GALNT13: variants seen among roughly 807,000 people sequenced by gnomAD.
GALNT13 encodes UDP-GalNAc:polypeptide N-acetylgalactosaminyltransferase 13.
In GALNT13, 28 loss-of-function variants were observed where a neutral mutation model predicts 64.2. The ratio of observed to expected loss-of-function variants is 0.44; its 90% CI spans 0.32 to 0.60. GALNT13 has a LOEUF of 0.60. GALNT13 is among the 20% of genes least tolerant of loss of function. GALNT13 has a pLI of 0.05. For synonymous variants in GALNT13, 214 were observed against 224.6 expected, an observed-to-expected ratio of 0.95 and a Z score of 0.42; for missense variants, 577 against 669.8, an observed-to-expected ratio of 0.86 and a Z score of 1.53.
the GALNT13 span, among the ~76,000 whole-genome samples, chr2:153,234,692 G>GTATT: frequency 6.6e-6 from 1 of 152,132 alleles, no homozygotes; most frequent in South Asian, 2.1e-4. Flanking sequence ...TGAGCCTCAT[G>GTATT]TATTACATGT....
chr2:153,651,284 A>T, the GALNT13 span, among the ~76,000 whole-genome samples: 8 of 152,208 alleles, frequency 5.3e-5, no homozygotes, highest in African/African-American at 1.9e-4. Context: ...CATAGAATAA[A>T]GTCTGATTCC....
chr2:153,276,051 T>C, the GALNT13 span, among the ~76,000 whole-genome samples: 2 of 152,194 alleles, frequency 1.3e-5, no homozygotes, highest in East Asian at 3.8e-4. Context: ...AAGTTAAGCA[T>C]TTTTCATATT....
At chr2:153,557,362 T>C in the GALNT13 span, among the ~76,000 whole-genome samples, 1 of 152,146 alleles carries the variant, frequency 6.6e-6, no homozygotes, top group Non-Finnish European at 1.5e-5. Context: ...CACCTAACAG[T>C]GCATCTGTTT....
the GALNT13 span, among the ~76,000 whole-genome samples, chr2:153,188,393 T>G: frequency 7.6e-6 from 1 of 131,706 alleles, no homozygotes; most frequent in Non-Finnish European, 1.7e-5. Context: ...AACTAAATAA[T>G]AATGGCATGA....
At chr2:153,198,590 G>A in the GALNT13 span, among the ~76,000 whole-genome samples, 1 of 152,190 alleles carries the variant, frequency 6.6e-6, no homozygotes, top group Non-Finnish European at 1.5e-5. Flanking sequence ...TGTGCCTCTA[G>A]TCAGCCATCT....
At chr2:153,582,852 T>C in the GALNT13 span, among the ~76,000 whole-genome samples, 1 of 152,220 alleles carries the variant, frequency 6.6e-6, no homozygotes, top group East Asian at 1.9e-4. Context: ...TATTGTAACA[T>C]TACTGGCTGT....
chr2:153,786,130 C>G, the GALNT13 span, among the ~76,000 whole-genome samples: 3 of 152,102 alleles, frequency 2.0e-5, no homozygotes, highest in Non-Finnish European at 4.4e-5. Flanking sequence ...TGATATGGGA[C>G]TCCATCACAA....
chr2:153,478,530 C>A, the GALNT13 span: 1 of 1,605,632 alleles, frequency 6.2e-7, no homozygotes. Flanking sequence ...GGAACAGGCC[C>A]GCCACGTCCG....
At chr2:153,856,126 A>C in the GALNT13 span, among the ~76,000 whole-genome samples, 1 of 152,166 alleles carries the variant, frequency 6.6e-6, no homozygotes, top group Non-Finnish European at 1.5e-5. Flanking sequence ...GGGGTGATGA[A>C]AATGTTCTAG....
the GALNT13 span, among the ~76,000 whole-genome samples, chr2:153,302,855 A>C: frequency 6.6e-6 from 1 of 152,130 alleles, no homozygotes; most frequent in Non-Finnish European, 1.5e-5. Flanking sequence ...CTAACTGTAA[A>C]TGCATGAGTT....
chr2:153,552,864 T>C, the GALNT13 span, among the ~76,000 whole-genome samples: 2 of 152,104 alleles, frequency 1.3e-5, no homozygotes, highest in Admixed American at 1.3e-4. Flanking sequence ...ATCCTTTGCA[T>C]ACACAGTTCA....
the GALNT13 span, among the ~76,000 whole-genome samples, chr2:153,713,776 G>A: frequency 2.0e-5 from 3 of 152,130 alleles, no homozygotes; most frequent in African/African-American, 4.8e-5. Flanking sequence ...GAGCCACTAC[G>A]CCTAGCCAGG....
At chr2:154,437,870 A>G (rs1011370839) in intron 11 of GALNT13, 2 of 216,720 alleles carry the variant, frequency 9.2e-6, no homozygotes, top group African/African-American at 4.8e-5. Flanking sequence ...AAAAAAAAAA[A>G]ACCCTCATGA....
At chr2:153,783,935 G>C in the GALNT13 span, among the ~76,000 whole-genome samples, 1 of 152,120 alleles carries the variant, frequency 6.6e-6, no homozygotes, top group East Asian at 1.9e-4. Context: ...GTCTTTGTTA[G>C]CAGCATGAGA....
At chr2:153,350,384 C>CTTTCTT in the GALNT13 span, among the ~76,000 whole-genome samples, 2 of 129,972 alleles carry the variant, frequency 1.5e-5, no homozygotes, top group Non-Finnish European at 3.2e-5. Context: ...TTCTTTCTTT[C>CTTTCTT]TTTTTTTTTT....
chr2:153,501,380 G>A, the GALNT13 span, among the ~76,000 whole-genome samples: 25 of 152,018 alleles, frequency 1.6e-4, no homozygotes, highest in Admixed American at 1.6e-3. Flanking sequence ...CGCCCAGGCT[G>A]GAGTGCAGTG....
chr2:153,332,367 C>T, the GALNT13 span, among the ~76,000 whole-genome samples: 5 of 152,056 alleles, frequency 3.3e-5, no homozygotes, highest in African/African-American at 1.2e-4. Flanking sequence ...TTGTGATATG[C>T]TGTATAATTG....
chr2:154,190,524 C>G (rs555225535), intron 4 of GALNT13, among the ~76,000 whole-genome samples: 1 of 152,178 alleles, frequency 6.6e-6, no homozygotes, highest in Non-Finnish European at 1.5e-5. Context: ...TCGGTTTAAA[C>G]AAGTTTCTTT....
chr2:154,271,647 T>C (rs1196646854), intron 8 of GALNT13, among the ~76,000 whole-genome samples: 1 of 151,918 alleles, frequency 6.6e-6, no homozygotes, highest in Non-Finnish European at 1.5e-5. Flanking sequence ...CTCTGGAGAA[T>C]TGTAAGCATA....
Sources: allele counts gnomAD v4.1 joint callset (sites outside exome capture counted in the v4.1 genomes callset), GRCh38; gene constraint gnomAD v4.1.1; transcripts MANE v1.5; gene names NCBI Gene and HGNC (gene_info 2026-07-23, HGNC 2026-07-21).